The following PTPRD variants were observed in gnomAD, a reference collection of about 807,000 sequenced individuals.
The protein encoded by PTPRD is receptor-type tyrosine-protein phosphatase delta.
Under a neutral mutation model 214.5 loss-of-function variants are expected in PTPRD, and 34 were observed. That is an observed-to-expected ratio of 0.16 (90% CI 0.12 to 0.21). The LOEUF is 0.21. Ranked by LOEUF, PTPRD falls within the 10% of genes least tolerant of loss-of-function variation. The pLI, the probability that PTPRD is intolerant of heterozygous loss-of-function variation, is 1.00. For missense variants in PTPRD, 2,545 were observed against 2,398.7 expected, an observed-to-expected ratio of 1.06 and a Z score of -1.27; for synonymous variants, 1,128 against 845.7, an observed-to-expected ratio of 1.33 and a Z score of -5.79.
chr9:8,621,901 T>A (rs929854586), intron 14 of PTPRD, among the ~76,000 whole-genome samples: 5 of 151,980 alleles, frequency 3.3e-5, no homozygotes. Context: ...GTTCCTGTTT[T>A]GGAGTACAGT....
chr9:9,866,694 T>G lies in PTPRD; in HGVS notation c.-368+71813A>C, dbSNP rs369822274. Among the ~76,000 whole-genome samples the G allele has an allele frequency of 2.4e-4, 36 of 152,284 alleles. No homozygotes were observed. In the South Asian group the frequency reaches 5.0e-3, roughly 21 times the overall value. ...GAGATTTCTGGGTTGATTTCAACATTTCTTAGATAATTGTGAATACGCCCT... is the reference window on the plus strand; with the variant it reads ...GAGATTTCTGGGTTGATTTCAACATGTCTTAGATAATTGTGAATACGCCCT... On this transcript the variant is annotated intron_variant, in intron 5 of 45. Transcript: ENST00000381196.
intron 11 of PTPRD, among the ~76,000 whole-genome samples, chr9:8,752,734 C>T (rs2093646553): frequency 6.6e-6 from 1 of 152,018 alleles, no homozygotes; most frequent in Non-Finnish European, 1.5e-5. Flanking sequence ...ACCAATCATT[C>T]CCCAGAAGAC....
intron 8 of PTPRD, among the ~76,000 whole-genome samples, chr9:9,424,777 A>G (rs929055661): frequency 2.6e-5 from 4 of 152,342 alleles, no homozygotes; most frequent in African/African-American, 4.8e-5. Context: ...TACAAAGTCA[A>G]TATTTTAAAA....
At chr9:10,280,851 G>A (rs982956029) in intron 3 of PTPRD, among the ~76,000 whole-genome samples, 7 of 151,992 alleles carry the variant, frequency 4.6e-5, no homozygotes, top group African/African-American at 1.7e-4. Context: ...CTGGGCTCAA[G>A]CTGTCCTCTC....
chr9:10,037,709 G>C (rs181222965), intron 3 of PTPRD, among the ~76,000 whole-genome samples: 1 of 151,828 alleles, frequency 6.6e-6, no homozygotes, highest in Non-Finnish European at 1.5e-5. Flanking sequence ...ATCAATCTTC[G>C]TTTTCTTGGA....
At chr9:9,954,985 G>C (rs2154007606) in intron 4 of PTPRD, among the ~76,000 whole-genome samples, 1 of 152,200 alleles carries the variant, frequency 6.6e-6, no homozygotes, top group Non-Finnish European at 1.5e-5. Context: ...ATAAATAATT[G>C]TGCAAGAAAT....
At chr9:8,904,710 T>A (rs192636735) in intron 11 of PTPRD, among the ~76,000 whole-genome samples, 255 of 151,498 alleles carry the variant, frequency 1.7e-3, no homozygotes, top group Middle Eastern at 3.4e-3. Flanking sequence ...TAGTTGGTCA[T>A]GTTAAATATT....
At chr9:9,726,196 G>A (rs903773058) in intron 7 of PTPRD, among the ~76,000 whole-genome samples, 7 of 151,980 alleles carry the variant, frequency 4.6e-5, no homozygotes, top group African/African-American at 1.7e-4. Context: ...GAACCTCCTC[G>A]GTTAACTCCA....
chr9:8,488,609 A>C (rs1442579877), intron 27 of PTPRD, among the ~76,000 whole-genome samples: 1 of 152,250 alleles, frequency 6.6e-6, no homozygotes, highest in Non-Finnish European at 1.5e-5. Context: ...CCACCCATCC[A>C]TAAGTTGGAA....
At chr9:10,082,135 C>A (rs1442629019) in intron 3 of PTPRD, among the ~76,000 whole-genome samples, 1 of 152,064 alleles carries the variant, frequency 6.6e-6, no homozygotes, top group Non-Finnish European at 1.5e-5. Context: ...ATCCAAAATT[C>A]AATGATAGCA....
chr9:8,396,514 TA>T (rs889870539), intron 36 of PTPRD, among the ~76,000 whole-genome samples: 2 of 151,254 alleles, frequency 1.3e-5, no homozygotes, highest in African/African-American at 4.9e-5. Flanking sequence ...GATGTACAAT[TA>T]AAAAAAACAA....
chr9:10,344,154 G>A (rs1205739296), intron 2 of PTPRD, among the ~76,000 whole-genome samples: 2 of 151,180 alleles, frequency 1.3e-5, no homozygotes, highest in Non-Finnish European at 2.9e-5. Flanking sequence ...GGGTTTTTAT[G>A]GTTTTAGGTC....
intron 5 of PTPRD, among the ~76,000 whole-genome samples, chr9:9,935,430 C>T (rs1479437630): frequency 2.0e-5 from 3 of 151,816 alleles, no homozygotes; most frequent in Admixed American, 6.6e-5. Context: ...TATACACCAA[C>T]AACAGACAAA....
chr9:9,686,371 A>C (rs1211080806), intron 7 of PTPRD, among the ~76,000 whole-genome samples: 1 of 151,324 alleles, frequency 6.6e-6, no homozygotes, highest in African/African-American at 2.4e-5. Flanking sequence ...TACGCACTTC[A>C]ACAAATATTT....
intron 9 of PTPRD, among the ~76,000 whole-genome samples, chr9:9,315,402 T>G (rs1962182865): frequency 6.6e-6 from 1 of 152,044 alleles, no homozygotes. Flanking sequence ...TATATGCCAG[T>G]AAGTTAAACA....
chr9:9,602,151 T>C (rs1338023275), intron 7 of PTPRD, among the ~76,000 whole-genome samples: 1 of 152,058 alleles, frequency 6.6e-6, no homozygotes, highest in Non-Finnish European at 1.5e-5. Flanking sequence ...TTCATTCCTA[T>C]TACCTTTGCT....
intron 9 of PTPRD, among the ~76,000 whole-genome samples, chr9:9,327,862 G>C (rs2040623494): frequency 6.6e-6 from 1 of 150,686 alleles, no homozygotes; most frequent in Non-Finnish European, 1.5e-5. Context: ...ATTGTTTTGG[G>C]CCACACATAA....
At chr9:9,979,901 G>C (rs2095481781) in intron 4 of PTPRD, among the ~76,000 whole-genome samples, 2 of 152,126 alleles carry the variant, frequency 1.3e-5, no homozygotes, top group Admixed American at 1.3e-4. Flanking sequence ...AATACGGGAT[G>C]CTTGATAAAT....
intron 11 of PTPRD, among the ~76,000 whole-genome samples, chr9:8,966,424 A>C (rs1005226072): frequency 6.6e-6 from 1 of 151,962 alleles, no homozygotes; most frequent in Non-Finnish European, 1.5e-5. Context: ...GGAAGAGAAA[A>C]AAAAAAGCAA....
Sources: allele counts gnomAD v4.1 joint callset (sites outside exome capture counted in the v4.1 genomes callset), GRCh38; gene constraint gnomAD v4.1.1; transcripts MANE v1.5; gene names NCBI Gene and HGNC (gene_info 2026-07-23, HGNC 2026-07-21).